The following FARS2 variants were observed in gnomAD, a reference collection of about 807,000 sequenced individuals.
FARS2 encodes phenylalanine--tRNA ligase, mitochondrial.
In FARS2, 40 loss-of-function variants were observed where a neutral mutation model predicts 46.4. The observed-to-expected ratio is 0.86, with a 90% confidence interval of 0.67 to 1.12. FARS2 has a LOEUF of 1.12. FARS2 is among the 50% of genes most tolerant of loss of function. FARS2 has a pLI of 0.00. For missense variants in FARS2, 513 were observed against 567.9 expected (o/e 0.90, Z 0.98); for synonymous variants, 234 against 214.9 (o/e 1.09, Z -0.78).
chr6:5,558,172 TCATCCTGTACAAAAGAACAAA>T (rs1157745954), intron 5 of FARS2, among the ~76,000 whole-genome samples: 1 of 152,170 alleles, frequency 6.6e-6, no homozygotes, highest in Non-Finnish European at 1.5e-5. Context: ...TTAACTTCCC[TCATCCTGTACAAAAGAACAAA>T]CGCATTTCTT....
At chr6:5,506,728 A>G (rs1768122515) in intron 4 of FARS2, among the ~76,000 whole-genome samples, 3 of 152,220 alleles carry the variant, frequency 2.0e-5, no homozygotes, top group South Asian at 4.1e-4. Context: ...AGACATGGCA[A>G]CTGGTGAGAA....
At chr6:5,374,707 T>G (rs953173600) in intron 2 of FARS2, among the ~76,000 whole-genome samples, 1 of 152,086 alleles carries the variant, frequency 6.6e-6, no homozygotes, top group Non-Finnish European at 1.5e-5. Flanking sequence ...AATTATTAAA[T>G]GAAATATTTG....
At chr6:5,660,924 C>T (rs1001308373) in intron 6 of FARS2, among the ~76,000 whole-genome samples, 1 of 152,142 alleles carries the variant, frequency 6.6e-6, no homozygotes, top group African/African-American at 2.4e-5. Flanking sequence ...AATAGAAGCC[C>T]CTGGAATGTT....
intron 6 of FARS2, among the ~76,000 whole-genome samples, chr6:5,675,529 C>T (rs991462398): frequency 9.2e-5 from 14 of 152,226 alleles, no homozygotes; most frequent in Middle Eastern, 3.4e-3. Flanking sequence ...TCCACATGTA[C>T]CCAATACAGT....
At chr6:5,346,820 A>C (rs1013059090) in intron 1 of FARS2, among the ~76,000 whole-genome samples, 1 of 151,968 alleles carries the variant, frequency 6.6e-6, no homozygotes, top group African/African-American at 2.4e-5. Context: ...ATAACTAATT[A>C]GCTGGAGTTC....
At chr6:5,434,831 T>C (rs745346807) in intron 4 of FARS2, among the ~76,000 whole-genome samples, 12 of 152,122 alleles carry the variant, frequency 7.9e-5, no homozygotes, top group Non-Finnish European at 1.6e-4. Context: ...AAAAGAGAAC[T>C]TCCAAGAAAC....
intron 5 of FARS2, among the ~76,000 whole-genome samples, chr6:5,554,105 T>C (rs991049616): frequency 6.6e-6 from 1 of 152,234 alleles, no homozygotes; most frequent in Admixed American, 6.5e-5. Flanking sequence ...TTCCAACAGT[T>C]GTAAAACTAT....
intron 1 of FARS2, among the ~76,000 whole-genome samples, chr6:5,285,840 C>T (rs1217745015): frequency 6.6e-6 from 1 of 152,236 alleles, no homozygotes; most frequent in African/African-American, 2.4e-5. Context: ...CCTGGAATTC[C>T]TCAGTCTTGG....
intron 6 of FARS2, among the ~76,000 whole-genome samples, chr6:5,717,095 G>A (rs1244046922): frequency 1.3e-5 from 2 of 152,216 alleles, no homozygotes; most frequent in Admixed American, 6.5e-5. Context: ...CTGGGATGAG[G>A]CAGGGCCCCT....
At chr6:5,461,907 C>T (rs1413868643) in intron 4 of FARS2, among the ~76,000 whole-genome samples, 1 of 152,094 alleles carries the variant, frequency 6.6e-6, no homozygotes, top group Non-Finnish European at 1.5e-5. Flanking sequence ...TTTATGTGGC[C>T]ATATGATTTC....
intron 5 of FARS2, among the ~76,000 whole-genome samples, chr6:5,579,701 T>C (rs986550346): frequency 3.3e-5 from 5 of 152,222 alleles, no homozygotes; most frequent in Non-Finnish European, 7.3e-5. Context: ...TGTGTGTGCC[T>C]CACAGTCCCT....
At chr6:5,290,161 C>T (rs185396274) in intron 1 of FARS2, among the ~76,000 whole-genome samples, 48 of 152,076 alleles carry the variant, frequency 3.2e-4, no homozygotes, top group Non-Finnish European at 1.2e-4. Flanking sequence ...GATATCCATA[C>T]CCTTCAACAA....
chr6:5,480,614 G>A (rs1025293293), intron 4 of FARS2, among the ~76,000 whole-genome samples: 2 of 152,220 alleles, frequency 1.3e-5, no homozygotes, highest in Non-Finnish European at 2.9e-5. Flanking sequence ...AAGAATGACG[G>A]TTTCAAGCAC....
chr6:5,301,848 A>ACACACACAC (rs1561943021), intron 1 of FARS2, among the ~76,000 whole-genome samples: 36 of 123,002 alleles, frequency 2.9e-4, no homozygotes, highest in African/African-American at 1.0e-3. Flanking sequence ...CACACACACA[A>ACACACACAC]AGAAAATGGG....
intron 6 of FARS2, among the ~76,000 whole-genome samples, chr6:5,633,871 A>G (rs1776415927): frequency 6.6e-6 from 1 of 152,168 alleles, no homozygotes; most frequent in Non-Finnish European, 1.5e-5. Context: ...AAAATCTCTT[A>G]TCAATGATTA....
chr6:5,451,795 A>G (rs947000108), intron 4 of FARS2: 2 of 152,246 alleles, frequency 1.3e-5, no homozygotes, highest in African/African-American at 4.8e-5. Context: ...ATCAGCTGGT[A>G]TTAGTGTCTG....
intron 2 of FARS2, among the ~76,000 whole-genome samples, chr6:5,379,660 G>A (rs569119920): frequency 6.6e-6 from 1 of 152,268 alleles, no homozygotes; most frequent in South Asian, 2.1e-4. Context: ...CTTGGGTGTG[G>A]GGAAAGTTAA....
intron 4 of FARS2, among the ~76,000 whole-genome samples, chr6:5,432,362 T>TATATATATTATATATATATAA (rs1763251408): frequency 8.7e-6 from 1 of 115,056 alleles, no homozygotes; most frequent in Non-Finnish European, 1.7e-5. Context: ...TATATATATA[T>TATATATATTATATATATATAA]AATATATTAT....
At chr6:5,512,845 T>C (rs1768540216) in intron 4 of FARS2, among the ~76,000 whole-genome samples, 1 of 152,072 alleles carries the variant, frequency 6.6e-6, no homozygotes, top group African/African-American at 2.4e-5. Context: ...GAACATAGGT[T>C]GGGGACTGCA....
Sources: gnomAD v4.1 joint callset for allele counts (sites outside exome capture counted in the v4.1 genomes callset) on GRCh38, gnomAD v4.1.1 for gene constraint, MANE v1.5 for transcripts, NCBI Gene and HGNC (gene_info 2026-07-23, HGNC 2026-07-21) for gene names.